Variants in SIL1 observed in about 807,000 individuals in gnomAD.
SIL1 encodes nucleotide exchange factor SIL1.
In SIL1, 40 loss-of-function variants were observed where a neutral mutation model predicts 49.1. The ratio of observed to expected loss-of-function variants is 0.81; its 90% CI spans 0.63 to 1.06. SIL1 has a LOEUF of 1.06. Ranked by LOEUF, SIL1 falls within the 50% of genes least tolerant of loss-of-function variation. SIL1 has a pLI of 0.00. For synonymous variants in SIL1, 253 were observed against 250.8 expected (o/e 1.01, Z -0.08); for missense variants, 500 against 572.6 (o/e 0.87, Z 1.29).
intron 1 of SIL1, among the ~76,000 whole-genome samples, chr5:139,128,265 T>A (rs1750793849): frequency 1.3e-5 from 2 of 152,142 alleles, no homozygotes; most frequent in African/African-American, 4.8e-5. Flanking sequence ...ACACCCATTA[T>A]CCTACCTGAA....
chr5:139,034,737 G>T (rs956618684), intron 5 of SIL1, among the ~76,000 whole-genome samples: 1 of 152,168 alleles, frequency 6.6e-6, no homozygotes, highest in African/African-American at 2.4e-5. Flanking sequence ...ACATATGCAT[G>T]TGTGTCTTTA....
At chr5:138,961,593 C>A (rs1767020343) in intron 7 of SIL1, among the ~76,000 whole-genome samples, 1 of 151,982 alleles carries the variant, frequency 6.6e-6, no homozygotes, top group African/African-American at 2.4e-5. Flanking sequence ...CCAGGTCTCA[C>A]CCATCTGGTG....
At chr5:139,035,351 G>C in intron 5 of SIL1, 8 of 533,440 alleles carry the variant, frequency 1.5e-5, no homozygotes, top group South Asian at 1.1e-4. Flanking sequence ...CACTGTGTTT[G>C]ATGTTTTTCC....
intron 1 of SIL1, among the ~76,000 whole-genome samples, chr5:139,174,674 C>A (rs1320001423): frequency 6.6e-6 from 1 of 151,696 alleles, no homozygotes; most frequent in Non-Finnish European, 1.5e-5. Flanking sequence ...TGAAGTGGCT[C>A]AGCCTGTAAT....
At chr5:138,954,151 C>A (rs1483576782) in intron 7 of SIL1, among the ~76,000 whole-genome samples, 2 of 152,222 alleles carry the variant, frequency 1.3e-5, no homozygotes, top group Non-Finnish European at 2.9e-5. Context: ...ACTCTGTCCC[C>A]CTCAGGCAGG....
At chr5:139,121,547 G>C (rs567875612) in intron 2 of SIL1, among the ~76,000 whole-genome samples, 2 of 152,052 alleles carry the variant, frequency 1.3e-5, no homozygotes, top group Admixed American at 6.6e-5. Context: ...TTTAAAACTC[G>C]CACATATTAT....
intron 1 of SIL1, among the ~76,000 whole-genome samples, chr5:139,159,952 T>A (rs1463192880): frequency 6.6e-6 from 1 of 152,030 alleles, no homozygotes. Flanking sequence ...AAAAAAAAAT[T>A]TCCTTTTAAA....
intron 1 of SIL1, among the ~76,000 whole-genome samples, chr5:139,135,939 C>T (rs2151799290): frequency 6.6e-6 from 1 of 152,068 alleles, no homozygotes; most frequent in East Asian, 1.9e-4. Flanking sequence ...TCATGGTGCA[C>T]GCCTGTAATC....
chr5:139,165,825 A>AT (rs559635441), intron 1 of SIL1, among the ~76,000 whole-genome samples: 2,008 of 149,818 alleles, frequency 0.013, 41 homozygotes, highest in African/African-American at 0.047. Context: ...TGCCCGGCTA[A>AT]TTTTTTTTTA....
chr5:139,005,469 T>C (rs1432436943), intron 7 of SIL1, among the ~76,000 whole-genome samples: 1 of 150,216 alleles, frequency 6.7e-6, no homozygotes, highest in Admixed American at 6.6e-5. Flanking sequence ...TTTTTTATTA[T>C]ACTTTAAGTT....
chr5:139,105,056 G>C (rs149830912), intron 3 of SIL1, among the ~76,000 whole-genome samples: 1 of 152,142 alleles, frequency 6.6e-6, no homozygotes, highest in Non-Finnish European at 1.5e-5. Flanking sequence ...GGCAGGACTC[G>C]CTCTCCGTAC....
At chr5:138,951,719 G>T in intron 8 of SIL1, 69 bp downstream of exon 8, 1 of 1,433,790 alleles carries the variant, frequency 7.0e-7, no homozygotes, top group Non-Finnish European at 9.8e-7. Context: ...AGCCTGGACA[G>T]GAACCCTTTC....
intron 3 of SIL1, among the ~76,000 whole-genome samples, chr5:139,076,959 C>G (rs566711381): frequency 1.3e-5 from 2 of 152,254 alleles, no homozygotes; most frequent in East Asian, 3.9e-4. Context: ...ATGGTAAAAC[C>G]CTGTCTCTAC....
At chr5:138,950,219 G>A (rs974355344) in intron 9 of SIL1, among the ~76,000 whole-genome samples, 1 of 152,242 alleles carries the variant, frequency 6.6e-6, no homozygotes, top group Non-Finnish European at 1.5e-5. Flanking sequence ...TCCTTCTCCA[G>A]GCTCACTGGC....
intron 7 of SIL1, chr5:139,012,889 G>C (rs974407228): frequency 6.6e-6 from 1 of 152,242 alleles, no homozygotes; most frequent in African/African-American, 2.4e-5. Context: ...AGGAGACTGA[G>C]TCTGCAGTAA....
chr5:139,154,665 C>G (rs1581138040), intron 1 of SIL1, among the ~76,000 whole-genome samples: 1 of 152,200 alleles, frequency 6.6e-6, no homozygotes, highest in African/African-American at 2.4e-5. Flanking sequence ...TCAGAACCCC[C>G]ACCCCGAAAG....
chr5:139,168,039 G>C (rs1751659287), intron 1 of SIL1, among the ~76,000 whole-genome samples: 1 of 152,140 alleles, frequency 6.6e-6, no homozygotes. Context: ...GTTTAGAAAT[G>C]TTTAGGTACA....
intron 7 of SIL1, among the ~76,000 whole-genome samples, chr5:138,989,636 T>C (rs1321080965): frequency 6.6e-6 from 1 of 152,144 alleles, no homozygotes; most frequent in East Asian, 1.9e-4. Flanking sequence ...CACTCCTTTA[T>C]GTAGGACACC....
At chr5:139,007,407 C>G (rs1184580966) in intron 7 of SIL1, among the ~76,000 whole-genome samples, 3 of 132,846 alleles carry the variant, frequency 2.3e-5, no homozygotes, top group Non-Finnish European at 4.8e-5. Context: ...CGTCTGCAAA[C>G]AGGGACAATT....
Sources: allele counts gnomAD v4.1 joint callset (sites outside exome capture counted in the v4.1 genomes callset), GRCh38; gene constraint gnomAD v4.1.1; transcripts MANE v1.5; gene names NCBI Gene and HGNC (gene_info 2026-07-23, HGNC 2026-07-21).